Variants in SPMIP2 observed in about 807,000 individuals in gnomAD.
The protein encoded by SPMIP2 is protein SPMIP2.
chr4:159,016,157 G>A, the SPMIP2 span, among the ~76,000 whole-genome samples: 1 of 152,146 alleles, frequency 6.6e-6, no homozygotes, highest in Non-Finnish European at 1.5e-5. Context: ...ACACGGGGAT[G>A]GGAATCTGTT....
chr4:159,001,976 T>C, the SPMIP2 span, among the ~76,000 whole-genome samples: 1 of 152,258 alleles, frequency 6.6e-6, no homozygotes, highest in Non-Finnish European at 1.5e-5. Context: ...TTCCCTTTGC[T>C]CTGCATCCTC....
chr4:159,022,862 T>G, the SPMIP2 span, among the ~76,000 whole-genome samples: 1 of 151,866 alleles, frequency 6.6e-6, no homozygotes, highest in Admixed American at 6.6e-5. Flanking sequence ...AAACCCCGTC[T>G]CTACTAAAAA....
At chr4:158,967,808 A>G in the SPMIP2 span, among the ~76,000 whole-genome samples, 7 of 152,218 alleles carry the variant, frequency 4.6e-5, no homozygotes, top group African/African-American at 1.7e-4. Flanking sequence ...ATGAATCTGA[A>G]AACACAGGAC....
At chr4:158,993,638 G>C in the SPMIP2 span, among the ~76,000 whole-genome samples, 1 of 152,070 alleles carries the variant, frequency 6.6e-6, no homozygotes, top group East Asian at 1.9e-4. Flanking sequence ...TGAGTGCTTG[G>C]AATATAGCAG....
the SPMIP2 span, among the ~76,000 whole-genome samples, chr4:159,016,872 C>T: frequency 3.3e-5 from 5 of 152,148 alleles, no homozygotes; most frequent in Admixed American, 6.5e-5. Context: ...TTTACTTTTC[C>T]ATTTCTGCTA....
At chr4:158,958,365 A>G in the SPMIP2 span, among the ~76,000 whole-genome samples, 1 of 152,114 alleles carries the variant, frequency 6.6e-6, no homozygotes, top group East Asian at 1.9e-4. Flanking sequence ...CCTGACCTCA[A>G]TTGATCCTCC....
At chr4:159,044,882 A>G in the SPMIP2 span, among the ~76,000 whole-genome samples, 71 of 152,342 alleles carry the variant, frequency 4.7e-4, no homozygotes, top group African/African-American at 1.5e-3. Flanking sequence ...ACCTGAGGTC[A>G]GGAGTTTGAG....
the SPMIP2 span, among the ~76,000 whole-genome samples, chr4:158,971,628 G>T: frequency 6.6e-5 from 10 of 152,078 alleles, no homozygotes; most frequent in African/African-American, 2.4e-4. Flanking sequence ...GCATTCCTTG[G>T]GTTCTCATAT....
the SPMIP2 span, among the ~76,000 whole-genome samples, chr4:158,894,927 A>C: frequency 6.6e-6 from 1 of 152,202 alleles, no homozygotes. Context: ...TGCATCTGTT[A>C]ATCTTTTTAC....
the SPMIP2 span, among the ~76,000 whole-genome samples, chr4:158,939,633 CAT>C: frequency 0.016 from 2,365 of 152,290 alleles, 55 homozygotes; most frequent in African/African-American, 0.055. Context: ...GGTTCTCTCT[CAT>C]CTCTTTGCTT....
the SPMIP2 span, among the ~76,000 whole-genome samples, chr4:159,056,001 G>T: frequency 6.6e-6 from 1 of 152,088 alleles, no homozygotes; most frequent in Non-Finnish European, 1.5e-5. Context: ...AGGAGGAGCC[G>T]CTTGTCTTAG....
chr4:158,935,769 A>C, the SPMIP2 span, among the ~76,000 whole-genome samples: 2 of 152,218 alleles, frequency 1.3e-5, no homozygotes, highest in Non-Finnish European at 2.9e-5. Context: ...TTCAGCCTTC[A>C]GTGAGGAAAG....
chr4:159,013,587 CTCT>C, the SPMIP2 span, among the ~76,000 whole-genome samples: 2 of 152,054 alleles, frequency 1.3e-5, no homozygotes, highest in African/African-American at 2.4e-5. Flanking sequence ...ATGCCCCTTC[CTCT>C]TCTTATAAGG....
chr4:159,040,994 C>T, the SPMIP2 span, among the ~76,000 whole-genome samples: 1 of 152,176 alleles, frequency 6.6e-6, no homozygotes, highest in Non-Finnish European at 1.5e-5. Context: ...ATATCAGCTG[C>T]AATATTGGTC....
the SPMIP2 span, among the ~76,000 whole-genome samples, chr4:159,049,008 G>T: frequency 1.3e-5 from 2 of 152,020 alleles, no homozygotes; most frequent in Non-Finnish European, 2.9e-5. Context: ...GATGTCAAAT[G>T]TTAAGGTTAT....
At chr4:158,997,231 C>CTTTT in the SPMIP2 span, among the ~76,000 whole-genome samples, 1 of 135,890 alleles carries the variant, frequency 7.4e-6, no homozygotes, top group Non-Finnish European at 1.6e-5. Flanking sequence ...GTGAATATGG[C>CTTTT]TTTTTTTTTT....
At chr4:158,938,656 C>T in the SPMIP2 span, among the ~76,000 whole-genome samples, 1 of 152,318 alleles carries the variant, frequency 6.6e-6, no homozygotes, top group South Asian at 2.1e-4. Context: ...CCCTTATGGG[C>T]TCCAGCTGGG....
the SPMIP2 span, among the ~76,000 whole-genome samples, chr4:159,078,061 G>A: frequency 6.6e-6 from 1 of 152,164 alleles, no homozygotes; most frequent in Non-Finnish European, 1.5e-5. Context: ...GAGGACTGGG[G>A]AGACAGATAT....
At chr4:158,920,293 A>G in the SPMIP2 span, among the ~76,000 whole-genome samples, 3 of 152,206 alleles carry the variant, frequency 2.0e-5, no homozygotes, top group Non-Finnish European at 1.5e-5. Context: ...GCACCTTGAA[A>G]AAGAACAGAA....
Sources: allele counts gnomAD v4.1 joint callset (sites outside exome capture counted in the v4.1 genomes callset), GRCh38; gene constraint gnomAD v4.1.1; transcripts MANE v1.5; gene names NCBI Gene and HGNC (gene_info 2026-07-23, HGNC 2026-07-21).